Variants in MCM3 observed in about 807,000 individuals in gnomAD.
MCM3 encodes minichromosome maintenance complex component 3.
In MCM3, 59 loss-of-function variants were observed where a neutral mutation model predicts 91.3. The ratio of observed to expected loss-of-function variants is 0.65; its 90% CI spans 0.52 to 0.80. The LOEUF is 0.80. MCM3 is among the 30% of genes least tolerant of loss of function. The pLI is 0.00. For missense variants in MCM3, 919 were observed against 1,035.4 expected (o/e 0.89, Z 1.54); for synonymous variants, 383 against 379.6 (o/e 1.01, Z -0.10).
intron 11 of MCM3, 31 bp from the exon 12 acceptor site, chr6:52,272,482 C>T (rs751830968): frequency 3.1e-6 from 5 of 1,612,626 alleles, no homozygotes; most frequent in Non-Finnish European, 4.2e-6. Context: ...TTCCATCTCC[C>T]TGCCACACCT....
intron 4 of MCM3, among the ~76,000 whole-genome samples, chr6:52,280,888 C>T (rs1295734053): frequency 6.6e-6 from 1 of 152,178 alleles, no homozygotes; most frequent in Non-Finnish European, 1.5e-5. Context: ...CTAAATGATG[C>T]TAAAGTATGT....
rs1246772775 is a variant in MCM3 at position 52,266,148 on chromosome 6, C to T, written c.2159-4G>A. The T allele has an allele frequency of 6.2e-7, 1 of 1,613,192 alleles. No homozygotes were observed. Among genetic ancestry groups the T allele is most frequent in the South Asian group, 1.1e-5 (1 of 91,046 alleles). Reference sequence around the variant, plus strand: ...TCTGCCGTCTTTGGAGTGTGTACTTCAGAGGGTTGATGGTTGTAGAGATGG... The same window carrying T: ...TCTGCCGTCTTTGGAGTGTGTACTTTAGAGGGTTGATGGTTGTAGAGATGG... On this transcript the variant is annotated splice_polypyrimidine_tract_variant and splice_region_variant and intron_variant, in intron 15 of 16. Transcript: ENST00000596288.
chr6:52,279,440 GC>G lies in MCM3; in HGVS notation c.690del (p.Lys230AsnfsTer31). Reference protein sequence around the residue: ...ILDDDLVDKAKPGDRVQVVGT... With the variant: ...ILDDDLVDKAXPGDRVQVVGT... ...CCCACCACCTGAACCCGGTCACCAG[GC>G]TTCGCTTTATCCACCAAGTCATCAT... is the stretch of plus-strand genomic sequence containing the variant. On this transcript the variant is annotated frameshift_variant, in exon 5 of 17. Transcript: ENST00000596288. LOFTEE classifies it high-confidence loss of function. 6.2e-7 allele frequency: 1 copy of G among 1,614,114 alleles called. No homozygotes were observed. The highest frequency in any genetic ancestry group is 8.5e-7 in the Non-Finnish European group (1 of 1,180,034).
intron 16 of MCM3, 98 bp downstream of exon 16, chr6:52,265,977 G>T: frequency 2.1e-6 from 2 of 950,290 alleles, no homozygotes; most frequent in South Asian, 1.4e-5. Flanking sequence ...TTCTATTGAT[G>T]ACCAGCAGTT....
intron 11 of MCM3, 137 bp downstream of exon 11, chr6:52,273,093 A>AATTAATCCAC: frequency 1.0e-6 from 1 of 1,004,210 alleles, no homozygotes; most frequent in Non-Finnish European, 1.5e-6. Context: ...AAAAGAAGAA[A>AATTAATCCAC]ATTAATCCAC....
chr6:52,276,992 C>T (rs1394250738), intron 8 of MCM3, 75 bp downstream of exon 8: 6 of 1,538,548 alleles, frequency 3.9e-6, no homozygotes, highest in Non-Finnish European at 2.6e-6. Flanking sequence ...ATCTTCAGAA[C>T]ACAAGCCAGG....
chr6:52,283,000 C>CACCATCCTATAAGACTCAGTAAAAT (rs17246226), intron 2 of MCM3, 139 bp from the exon 3 acceptor site: 4 of 661,812 alleles, frequency 6.0e-6, no homozygotes, highest in Non-Finnish European at 1.0e-5. Context: ...CTCAGTAAAA[C>CACCATCCTATAAGACTCAGTAAAAT]ACCATCCTAT....
At position 52,279,578 on chromosome 6, in the gene MCM3, C is replaced by A. The variant is rs746702174; in HGVS notation, c.553G>T (p.Glu185Ter). ...TAGACAGAAAGGCCATATTCTGTCT[C>A]AAGGGGATTGTTCTCCTCATCCTAG... ...PTKDEENNPL[E>*]TEYGLSVYKD... Residue 185 changes from glutamate to a stop codon, truncating the protein, a stop_gained, in exon 5 of 17, where the codon GAG becomes TAG. Transcript: ENST00000596288. LOFTEE classifies it high-confidence loss of function. 6.2e-7 allele frequency: 1 copy of A among 1,613,684 alleles called. No homozygotes were observed. The highest frequency in any genetic ancestry group is 8.5e-7 in the Non-Finnish European group (1 of 1,179,764).
In MCM3 at chr6:52,277,588, C is replaced by T; in HGVS notation, c.980G>A (p.Arg327Gln). 2 of 1,614,092 alleles carry T rather than the reference C, an allele frequency of 1.2e-6. No homozygotes were observed. Among genetic ancestry groups the T allele is most frequent in the Admixed American group, 1.7e-5 (1 of 60,022 alleles). The change falls in exon 7 of 17, where the codon CGA becomes CAA. Residue 327 changes from arginine to glutamine, a missense_variant. Physicochemically the swap from Arg to Gln is conservative, Grantham distance 43. This residue lies in a region of MCM3 where 233 missense variants were observed against 321.2 expected (regional missense o/e 0.73). Coordinates refer to ENST00000596288, the MANE Select transcript of MCM3 (RefSeq NM_002388.6). ...GATGTGGCTGCCATTTTCTAGGTCT[C>T]GTTCCACCCCTCCCAAGAGCAAGCA... is the stretch of plus-strand genomic sequence containing the variant. ...ILCLLLGGVE[R>Q]DLENGSHIRG... is the part of the protein sequence containing the mutation.
intron 3 of MCM3, 108 bp downstream of exon 3, chr6:52,282,545 T>C (rs1446889224): frequency 1.2e-5 from 12 of 965,488 alleles, no homozygotes; most frequent in Admixed American, 6.6e-5. Flanking sequence ...GTAATTCCAA[T>C]GCTCCACCTC....
chr6:52,273,716 T>C, intron 10 of MCM3, 26 bp downstream of exon 10: 1 of 1,585,846 alleles, frequency 6.3e-7, no homozygotes, highest in Non-Finnish European at 8.6e-7. Flanking sequence ...TTCCATTAGT[T>C]ACTCTTACTA....
intron 15 of MCM3, 31 bp from the exon 16 acceptor site, chr6:52,266,175 G>A (rs1338876213): frequency 1.3e-6 from 2 of 1,562,000 alleles, no homozygotes; most frequent in Non-Finnish European, 1.8e-6. Context: ...TAGAGATGGG[G>A]AAGATAAGCA....
At chr6:52,267,667 A>G (rs1391663043) in intron 14 of MCM3, among the ~76,000 whole-genome samples, 198 bp downstream of exon 14, 2 of 151,592 alleles carry the variant, frequency 1.3e-5, no homozygotes, top group Non-Finnish European at 2.9e-5. Context: ...AGCTGGGACC[A>G]CAAGTGTCCG....
Position 52,266,508 on chromosome 6 carries a change from C to T in MCM3, c.2158+103G>A, listed in dbSNP as rs1347285062. The T allele has an allele frequency of 6.7e-6, 7 of 1,050,682 alleles. No individual in the cohort carries two copies. In the South Asian group the frequency reaches 6.8e-5, roughly 10 times the overall value. 65.1% of individuals were successfully genotyped at this position (1,050,682 alleles called of 1,614,324 possible). On this transcript the variant is annotated intron_variant, in intron 15 of 16. Transcript: ENST00000596288. ...TTGGACATAGGCCCCAAGCAGGGAG[C>T]CAAACAAACAGGAGTCCACAAGAAA...
In MCM3 at chr6:52,264,501, G is replaced by A. The variant is rs1343975301; in HGVS notation, c.*87C>T. On this transcript the variant is annotated 3_prime_UTR_variant, in exon 17 of 17. Transcript: ENST00000596288. The stretch of plus-strand genomic sequence containing the variant: ...AGTTGAATTCAACACTGTTAAGGGA[G>A]TAGAGGCAAAGACTTGGGTCAGGGA... 7 of 1,409,970 alleles carry A rather than the reference G, an allele frequency of 5.0e-6. No individual in the cohort carries two copies. In the African/African-American group the frequency reaches 8.5e-5, roughly 17 times the overall value. 87.3% of individuals were successfully genotyped at this position (1,409,970 alleles called of 1,614,324 possible).
intron 16 of MCM3, among the ~76,000 whole-genome samples, chr6:52,265,026 T>C (rs1344261884): frequency 2.0e-5 from 3 of 152,258 alleles, no homozygotes; most frequent in Middle Eastern, 3.4e-3. Context: ...AGTAACCCGG[T>C]CAGCGTCAAT....
intron 12 of MCM3, among the ~76,000 whole-genome samples, chr6:52,271,398 T>C (rs1230828925): frequency 2.0e-5 from 3 of 152,156 alleles, no homozygotes; most frequent in African/African-American, 7.2e-5. Flanking sequence ...ATCCCAGCAC[T>C]TTGGGAGGCC....
At position 52,278,866 on chromosome 6, in the gene MCM3, T is replaced by C. The variant is rs764574367; in HGVS notation, c.771-16A>G. Reference sequence around the variant, plus strand: ...CAGGACAGTCCTGGGACAAACAGAATAAAGAGGAAACCCGTTATATTCAAT... The same window carrying C: ...CAGGACAGTCCTGGGACAAACAGAACAAAGAGGAAACCCGTTATATTCAAT... On this transcript the variant is annotated splice_polypyrimidine_tract_variant and intron_variant, in intron 5 of 16. Coordinates refer to ENST00000596288, the MANE Select transcript of MCM3 (RefSeq NM_002388.6). 14 of 1,568,172 alleles carry C rather than the reference T, an allele frequency of 8.9e-6. No individual in the cohort carries two copies. In the South Asian group the frequency reaches 1.4e-4, roughly 15 times the overall value.
At chr6:52,270,211 C>A (rs1764994082) in intron 12 of MCM3, among the ~76,000 whole-genome samples, 1 of 151,846 alleles carries the variant, frequency 6.6e-6, no homozygotes, top group Non-Finnish European at 1.5e-5. Context: ...TGCCTGTAAT[C>A]CCAGCTACTC....
Sources: gnomAD v4.1 joint callset for allele counts (sites outside exome capture counted in the v4.1 genomes callset) on GRCh38, gnomAD v4.1.1 for gene constraint, gnomAD v4.1.1 regional missense constraint, MANE v1.5 for transcripts, NCBI Gene and HGNC (gene_info 2026-07-23, HGNC 2026-07-21) for gene names.